BNC2: variants seen among roughly 807,000 people sequenced by gnomAD.
BNC2 encodes the protein basonuclin zinc finger protein 2, also known as zinc finger protein basonuclin-2.
A neutral mutation model predicts 76.3 loss-of-function variants in BNC2; 20 were observed. The observed-to-expected ratio is 0.26, with a 90% confidence interval of 0.18 to 0.38. The LOEUF is 0.38. Ranked by LOEUF, BNC2 falls within the 10% of genes least tolerant of loss-of-function variation. The pLI, the probability that BNC2 is intolerant of heterozygous loss-of-function variation, is 1.00. For synonymous variants in BNC2, 582 were observed against 514.8 expected (o/e 1.13, Z -1.77); for missense variants, 1,382 against 1,399.8 (o/e 0.99, Z 0.20).
rs369887776 is a variant in BNC2 at position 16,695,635 on chromosome 9, A to G, written c.330+32162T>C. Among the ~76,000 whole-genome samples, 19 of 150,322 alleles carry G rather than the reference A, an allele frequency of 1.3e-4. No homozygotes were observed. In the South Asian group the frequency reaches 4.0e-3, roughly 32 times the overall value. On this transcript the variant is annotated intron_variant, in intron 3 of 6. Transcript: ENST00000380672. ...AGTGATCCTCCTGCTGCGGCCTCCC[A>G]AAGTACTGGGATTACAGGCATGAGC...
chr9:16,671,533 T>C (rs1442873665), intron 3 of BNC2, among the ~76,000 whole-genome samples: 2 of 152,180 alleles, frequency 1.3e-5, no homozygotes, highest in Admixed American at 1.3e-4. Flanking sequence ...GGGGTTCTGT[T>C]TGACAGAAAA....
intron 3 of BNC2, among the ~76,000 whole-genome samples, chr9:16,716,179 A>C (rs1333533897): frequency 6.6e-6 from 1 of 152,192 alleles, no homozygotes; most frequent in East Asian, 1.9e-4. Context: ...TAGAGCTATC[A>C]TGTACTTAAG....
intron 1 of BNC2, among the ~76,000 whole-genome samples, chr9:16,816,366 A>T (rs746253741): frequency 8.5e-5 from 13 of 152,164 alleles, no homozygotes; most frequent in Non-Finnish European, 1.6e-4. Context: ...ACGAAGCTCA[A>T]TGCAGGGGCA....
At chr9:16,589,373 A>G (rs1162938239) in intron 3 of BNC2, among the ~76,000 whole-genome samples, 1 of 151,782 alleles carries the variant, frequency 6.6e-6, no homozygotes, top group African/African-American at 2.4e-5. Flanking sequence ...TTCAGTAGAG[A>G]CAGGGTCTCA....
intron 3 of BNC2, among the ~76,000 whole-genome samples, chr9:16,591,992 G>C (rs920949631): frequency 6.6e-6 from 1 of 152,058 alleles, no homozygotes; most frequent in Non-Finnish European, 1.5e-5. Context: ...ACTGAGACAG[G>C]AGATTCGCAA....
intron 6 of BNC2, among the ~76,000 whole-genome samples, chr9:16,433,421 T>C (rs988904544): frequency 9.2e-5 from 14 of 152,216 alleles, no homozygotes; most frequent in Non-Finnish European, 1.6e-4. Flanking sequence ...CTATCTTCTA[T>C]GTGACTGAAC....
chr9:16,690,106 G>T (rs1433102849), intron 3 of BNC2, among the ~76,000 whole-genome samples: 1 of 152,056 alleles, frequency 6.6e-6, no homozygotes, highest in Non-Finnish European at 1.5e-5. Flanking sequence ...TCTACCATGG[G>T]ACCCCAGACT....
chr9:16,576,836 TA>T (rs1288206543), intron 4 of BNC2, among the ~76,000 whole-genome samples: 1 of 152,148 alleles, frequency 6.6e-6, no homozygotes, highest in Non-Finnish European at 1.5e-5. Context: ...CTCCTGGGTT[TA>T]AGCGATTCTC....
At chr9:16,685,536 G>A (rs932577844) in intron 3 of BNC2, 2 of 1,302,238 alleles carry the variant, frequency 1.5e-6, no homozygotes, top group African/African-American at 3.0e-5. Flanking sequence ...AAACAGTTAA[G>A]ACTCTAACCT....
chr9:16,801,131 C>T (rs1234882640), intron 1 of BNC2, among the ~76,000 whole-genome samples: 2 of 152,248 alleles, frequency 1.3e-5, no homozygotes, highest in East Asian at 3.9e-4. Context: ...CACAATTCTC[C>T]GTATTTCTGA....
intron 1 of BNC2, among the ~76,000 whole-genome samples, chr9:16,792,614 A>G (rs1488012904): frequency 5.3e-5 from 8 of 152,230 alleles, no homozygotes; most frequent in Middle Eastern, 3.2e-3. Context: ...AATACATTCA[A>G]TTCCTTCAAT....
chr9:16,612,446 A>G (rs1820575805), intron 3 of BNC2, among the ~76,000 whole-genome samples: 1 of 152,144 alleles, frequency 6.6e-6, no homozygotes, highest in African/African-American at 2.4e-5. Flanking sequence ...CTTTTATTAG[A>G]GTAGAATTTG....
chr9:16,868,638 C>G (rs930948741), intron 1 of BNC2, among the ~76,000 whole-genome samples: 3 of 152,204 alleles, frequency 2.0e-5, no homozygotes, highest in African/African-American at 7.2e-5. Flanking sequence ...TTACTTCCCT[C>G]AGGTAAAGAT....
At chr9:16,704,486 T>A (rs1002420700) in intron 3 of BNC2, among the ~76,000 whole-genome samples, 6 of 151,160 alleles carry the variant, frequency 4.0e-5, no homozygotes, top group African/African-American at 1.5e-4. Context: ...TTTCCAGAAC[T>A]CCTGATTTTA....
intron 1 of BNC2, among the ~76,000 whole-genome samples, chr9:16,863,127 C>T (rs1403894573): frequency 6.6e-6 from 1 of 151,880 alleles, no homozygotes; most frequent in East Asian, 2.0e-4. Context: ...ATTGGCCAGG[C>T]TGGTCTTGAA....
intron 3 of BNC2, among the ~76,000 whole-genome samples, chr9:16,725,919 TTATCTC>T (rs1054151460): frequency 5.3e-5 from 8 of 151,932 alleles, no homozygotes; most frequent in Admixed American, 1.3e-4. Flanking sequence ...CAATTGATCA[TTATCTC>T]TATCTGGTTT....
At chr9:16,532,454 C>T (rs1303204957) in intron 5 of BNC2, among the ~76,000 whole-genome samples, 1 of 152,046 alleles carries the variant, frequency 6.6e-6, no homozygotes, top group Non-Finnish European at 1.5e-5. Context: ...CACAAGACAT[C>T]CTCTCCTACA....
rs35924079 is a variant in BNC2, at chr9:16,691,809, ATTTTTT to A, written c.330+35982_330+35987del. Among the ~76,000 whole-genome samples the A allele has an allele frequency of 1.1e-3, 141 of 129,486 alleles. 1 individual carries two copies. The highest frequency in any genetic ancestry group is 3.9e-3 in the African/African-American group (129 of 33,448). The allele number at this position is 129,486 out of a possible 152,430, so 84.9% of individuals were successfully genotyped here. A position where few individuals can be genotyped will look rare whatever the true frequency, so the allele number is the denominator to read the frequency against. ...CAGGCATGAGCCACTGTGCCCAGCC[ATTTTTT>A]TTTTTTTTTTTTAAAGATGGAGTCT... On this transcript the variant is annotated intron_variant, in intron 3 of 6. Transcript: ENST00000380672.
chr9:16,464,172 T>C (rs904216313), intron 5 of BNC2, among the ~76,000 whole-genome samples: 2 of 150,408 alleles, frequency 1.3e-5, no homozygotes, highest in African/African-American at 2.4e-5. Context: ...ACCCTAATAA[T>C]AGCTAACAAC....
Sources: gnomAD v4.1 joint callset for allele counts (sites outside exome capture counted in the v4.1 genomes callset) on GRCh38, gnomAD v4.1.1 for gene constraint, MANE v1.5 for transcripts, NCBI Gene and HGNC (gene_info 2026-07-23, HGNC 2026-07-21) for gene names.